The following PDCD11 variants were observed in gnomAD, a reference collection of about 807,000 sequenced individuals.
PDCD11 encodes the protein programmed cell death 11, also known as protein RRP5 homolog.
In PDCD11, 97 loss-of-function variants were observed where a neutral mutation model predicts 198.9. That is an observed-to-expected ratio of 0.49 (90% CI 0.41 to 0.58). The LOEUF (loss-of-function observed/expected upper bound fraction) is 0.58, where lower values mean the gene tolerates loss of function less well. Ranked by LOEUF, PDCD11 falls within the 20% of genes least tolerant of loss-of-function variation. The pLI is 0.00. For missense variants in PDCD11, 2,102 were observed against 2,312.7 expected (o/e 0.91, Z 1.87); for synonymous variants, 893 against 918.0 (o/e 0.97, Z 0.49).
At chr10:103,441,741 C>A in intron 30 of PDCD11, 85 bp from the exon 31 acceptor site, 1 of 1,296,468 alleles carries the variant, frequency 7.7e-7, no homozygotes, top group Non-Finnish European at 1.1e-6. Flanking sequence ...TGGTAGGAGT[C>A]CATGCTCCTC....
chr10:103,433,929 G>T lies in PDCD11; in HGVS notation c.3475-19G>T, dbSNP rs1426396348. 3.1e-6 allele frequency: 5 copies of T among 1,590,390 alleles called. No individual in the cohort carries two copies. The highest frequency in any genetic ancestry group is 4.3e-6 in the Non-Finnish European group (5 of 1,158,562). On this transcript the variant is annotated intron_variant, in intron 22 of 35. Coordinates refer to ENST00000369797, the MANE Select transcript of PDCD11 (RefSeq NM_014976.2). The stretch of plus-strand genomic sequence containing the variant: ...TTGTATTTGTATTTGCCCTACTCTG[G>T]TTCCTTTTTTTCCCTCAGTACAATG...
At chr10:103,432,009 GGTGA>G in intron 21 of PDCD11, 116 bp from the exon 22 acceptor site, 1 of 712,736 alleles carries the variant, frequency 1.4e-6, no homozygotes, top group Non-Finnish European at 2.5e-6. Context: ...GGCCTTGGAG[GGTGA>G]GTATGAGTAG....
chr10:103,420,659 G>A (rs979190292), intron 16 of PDCD11, among the ~76,000 whole-genome samples: 2 of 151,820 alleles, frequency 1.3e-5, no homozygotes, highest in Admixed American at 6.6e-5. Flanking sequence ...TGTTTTGCCT[G>A]GGAAAATCTC....
intron 25 of PDCD11, 87 bp from the exon 26 acceptor site, chr10:103,437,928 G>T (rs928434961): frequency 2.9e-6 from 3 of 1,051,688 alleles, no homozygotes; most frequent in Non-Finnish European, 4.4e-6. Context: ...CTGCCTATTC[G>T]TCAGCCTGGA....
At chr10:103,440,189 G>T in intron 28 of PDCD11, 101 bp from the exon 29 acceptor site, 1 of 1,501,054 alleles carries the variant, frequency 6.7e-7, no homozygotes. Flanking sequence ...TGGGGGCAGG[G>T]CCCAGAATCG....
chr10:103,405,127 C>G lies in PDCD11; in HGVS notation c.508C>G (p.Leu170Val). Residue 170 changes from leucine (L) to valine (V), a missense_variant, in exon 5 of 36, where the codon CTG becomes GTG. Coordinates refer to ENST00000369797, the MANE Select transcript of PDCD11 (RefSeq NM_014976.2). ...DRGKKSVKLS[L>V]NPKNVNRVLS... ...GGGCAAGAAGAGTGTCAAGCTGTCT[C>G]TGAACCCCAAAAATGTCAACAGAGT... 2 of 1,614,132 alleles carry G rather than the reference C, an allele frequency of 1.2e-6. No homozygotes were observed. The highest frequency in any genetic ancestry group is 8.5e-7 in the Non-Finnish European group (1 of 1,179,992).
chr10:103,422,942 A>G, intron 17 of PDCD11, 46 bp from the exon 18 acceptor site: 1 of 1,397,434 alleles, frequency 7.2e-7, no homozygotes, highest in Non-Finnish European at 9.4e-7. Context: ...GAACAGTGAG[A>G]GTTCTTTCAT....
intron 32 of PDCD11, among the ~76,000 whole-genome samples, chr10:103,442,819 G>A (rs1295040155): frequency 6.6e-6 from 1 of 152,194 alleles, no homozygotes. Context: ...GCCTAATGAA[G>A]AGGGAAGGCA....
chr10:103,434,505 C>A, intron 24 of PDCD11, 155 bp downstream of exon 24: 1 of 620,234 alleles, frequency 1.6e-6, no homozygotes, highest in Non-Finnish European at 2.8e-6. Context: ...TTCTCTTGGG[C>A]TTTGCTCTGG....
At position 103,442,319 on chromosome 10, in the gene PDCD11, C is replaced by G; in HGVS notation, c.4814C>G (p.Ala1605Gly). Residue 1605 changes from alanine to glycine, a missense_variant, in exon 32 of 36, where the codon GCG becomes GGG. Physicochemically the swap from Ala to Gly is moderately conservative, Grantham distance 60. Transcript: ENST00000369797. ...GATCCTGGGCGGCAGCCAGAGTCCGCGGATGATTTTGACCGACTGGTGCTG... is the reference window on the plus strand; with the variant it reads ...GATCCTGGGCGGCAGCCAGAGTCCGGGGATGATTTTGACCGACTGGTGCTG... ...LMDPGRQPES[A>G]DDFDRLVLSS... The G allele has an allele frequency of 1.2e-6, 2 of 1,614,240 alleles. No individual in the cohort carries two copies. The highest frequency in any genetic ancestry group is 1.7e-6 in the Non-Finnish European group (2 of 1,180,044).
chr10:103,415,787 G>A (rs765576831), intron 12 of PDCD11, among the ~76,000 whole-genome samples: 16 of 152,350 alleles, frequency 1.1e-4, no homozygotes, highest in Non-Finnish European at 2.2e-4. Flanking sequence ...TCTAGGCACA[G>A]AAATAGCCCT....
chr10:103,407,463 T>C (rs1346998536), intron 7 of PDCD11, among the ~76,000 whole-genome samples: 1 of 151,900 alleles, frequency 6.6e-6, no homozygotes, highest in Non-Finnish European at 1.5e-5. Context: ...CTCGGGAGGC[T>C]GAGGCAGGAG....
intron 34 of PDCD11, 188 bp from the exon 35 acceptor site, chr10:103,444,329 G>A (rs923020988): frequency 6.3e-6 from 4 of 633,698 alleles, no homozygotes; most frequent in African/African-American, 1.8e-5. Context: ...AGAGAGTGGT[G>A]TGTCTGCAGT....
At chr10:103,440,199 G>A (rs867122182) in intron 28 of PDCD11, 91 bp from the exon 29 acceptor site, 10 of 1,519,254 alleles carry the variant, frequency 6.6e-6, no homozygotes, top group South Asian at 2.7e-5. Flanking sequence ...GCCCAGAATC[G>A]TGGGCTGATC....
chr10:103,401,376 G>A (rs1483329542), intron 3 of PDCD11, among the ~76,000 whole-genome samples: 2 of 151,248 alleles, frequency 1.3e-5, no homozygotes, highest in Non-Finnish European at 3.0e-5. Context: ...GGGTTCAAGC[G>A]ATTCTCCTGC....
intron 33 of PDCD11, 82 bp downstream of exon 33, chr10:103,443,415 G>T: frequency 7.8e-7 from 1 of 1,276,504 alleles, no homozygotes; most frequent in Non-Finnish European, 1.1e-6. Flanking sequence ...GCTGGGTCCA[G>T]TCCTGCTGTG....
At chr10:103,400,228 T>TCCC (rs2029928267) in intron 2 of PDCD11, among the ~76,000 whole-genome samples, 169 bp from the exon 3 acceptor site, 2 of 115,830 alleles carry the variant, frequency 1.7e-5, no homozygotes, top group Non-Finnish European at 3.6e-5. Flanking sequence ...CCCCCCCCCT[T>TCCC]TTTTTTTTTT....
chr10:103,416,108 A>G (rs1250278320), intron 12 of PDCD11, among the ~76,000 whole-genome samples: 1 of 152,186 alleles, frequency 6.6e-6, no homozygotes, highest in Non-Finnish European at 1.5e-5. Context: ...TAGCTAATAA[A>G]CGGCAGTACT....
chr10:103,407,330 G>A (rs1292932406), intron 7 of PDCD11, among the ~76,000 whole-genome samples: 1 of 151,944 alleles, frequency 6.6e-6, no homozygotes, highest in Admixed American at 6.6e-5. Flanking sequence ...TTTGGAGGCC[G>A]AGGCAGGCTG....
Sources: gnomAD v4.1 joint callset for allele counts (sites outside exome capture counted in the v4.1 genomes callset) on GRCh38, gnomAD v4.1.1 for gene constraint, MANE v1.5 for transcripts, NCBI Gene and HGNC (gene_info 2026-07-23, HGNC 2026-07-21) for gene names.